The following ZNF25 variants were observed in gnomAD, a reference collection of about 807,000 sequenced individuals.
ZNF25 encodes zinc finger protein 25 (KOX 19).
Under a neutral mutation model 30.9 loss-of-function variants are expected in ZNF25, and 21 were observed. That is an observed-to-expected ratio of 0.68 (90% CI 0.48 to 0.98). ZNF25 has a LOEUF of 0.98. Among genes scored for constraint, ZNF25 ranks in the 50% least tolerant of loss-of-function variants. The probability of loss-of-function intolerance (pLI) is 0.00; values close to 1 mark genes in which losing one functional copy is unlikely to be tolerated. For synonymous variants in ZNF25, 169 were observed against 181.3 expected, an observed-to-expected ratio of 0.93 and a Z score of 0.55; for missense variants, 501 against 529.9, an observed-to-expected ratio of 0.95 and a Z score of 0.54.
chr10:37,961,274 T>C (rs2062854335), intron 2 of ZNF25, among the ~76,000 whole-genome samples: 1 of 152,206 alleles, frequency 6.6e-6, no homozygotes, highest in South Asian at 2.1e-4. Flanking sequence ...TGTATTTTTT[T>C]AAAGCAACAC....
At chr10:37,963,894 C>A (rs942943992) in intron 2 of ZNF25, among the ~76,000 whole-genome samples, 1 of 152,120 alleles carries the variant, frequency 6.6e-6, no homozygotes, top group Non-Finnish European at 1.5e-5. Flanking sequence ...AGAATCGCTT[C>A]AACCTGGGAG....
intron 4 of ZNF25, among the ~76,000 whole-genome samples, chr10:37,956,321 T>C (rs1197179674): frequency 1.3e-5 from 2 of 152,226 alleles, no homozygotes; most frequent in African/African-American, 2.4e-5. Flanking sequence ...GGTATTTTAT[T>C]GTTAATAAAA....
rs1041877107 is a variant in ZNF25 at position 37,952,069 on chromosome 10, G to A, written c.*58C>T. 164 of 1,476,346 alleles carry A rather than the reference G, an allele frequency of 1.1e-4. No individual in the cohort carries two copies. The highest frequency in any genetic ancestry group is 2.7e-4 in the South Asian group (20 of 72,914). The allele number at this position is 1,476,346 out of a possible 1,614,324, so 91.5% of individuals were successfully genotyped here. ...GCGATTCATAAGGTGTACCTCTTGTGTGAATTATCTGATTGTTTTGAAGGA... is the reference window on the plus strand; with the variant it reads ...GCGATTCATAAGGTGTACCTCTTGTATGAATTATCTGATTGTTTTGAAGGA... On this transcript the variant is annotated 3_prime_UTR_variant, in exon 6 of 6. Coordinates refer to ENST00000302609, the MANE Select transcript of ZNF25 (RefSeq NM_145011.4).
At chr10:37,961,782 G>C (rs185277377) in intron 2 of ZNF25, among the ~76,000 whole-genome samples, 1 of 151,926 alleles carries the variant, frequency 6.6e-6, no homozygotes, top group Non-Finnish European at 1.5e-5. Flanking sequence ...TTAGCCAGGC[G>C]TGGTGGCTCA....
chr10:37,953,155 C>CTGTGGTATGAGT lies in ZNF25; in HGVS notation c.331_342dup (p.Thr111_Thr114dup), dbSNP rs767448474. 1 of 1,600,544 alleles carries CTGTGGTATGAGT rather than the reference C, an allele frequency of 6.2e-7. No homozygotes were observed. Among genetic ancestry groups the CTGTGGTATGAGT allele is most frequent in the South Asian group, 1.1e-5 (1 of 88,446 alleles). On this transcript the variant is annotated inframe_insertion, in exon 6 of 6. Coordinates refer to ENST00000302609, the MANE Select transcript of ZNF25 (RefSeq NM_145011.4). ...CATTCCTTACATTCACAGGCTTTCT[C>CTGTGGTATGAGT]TGTGGTATGAGTTTTCTGATGTTTT... is the stretch of plus-strand genomic sequence containing the variant.
intron 2 of ZNF25, among the ~76,000 whole-genome samples, chr10:37,967,421 C>CT (rs34878046): frequency 0.12 from 16,833 of 144,914 alleles, 1,071 homozygotes; most frequent in Middle Eastern, 0.18. Context: ...TGATTTTCTT[C>CT]TTTTTTTTTT....
rs2062077030 is a variant in ZNF25 at position 37,950,299 on chromosome 10, C to A, written c.*1828G>T. 6.6e-6 allele frequency: 1 copy of A among 152,464 alleles called. No homozygotes were observed. Among genetic ancestry groups the A allele is most frequent in the Admixed American group, 6.5e-5 (1 of 15,272 alleles). 9.4% of individuals were successfully genotyped at this position (152,464 alleles called of 1,614,324 possible). ...GTTTTCAAAACTTTATTTATGGACA[C>A]TGAAATTTGAATATCATATAATTTT... On this transcript the variant is annotated 3_prime_UTR_variant, in exon 6 of 6. Transcript: ENST00000302609.
intron 2 of ZNF25, among the ~76,000 whole-genome samples, chr10:37,969,661 A>T (rs1020571223): frequency 2.0e-5 from 3 of 152,178 alleles, no homozygotes; most frequent in African/African-American, 7.2e-5. Context: ...TTCTTTTGGG[A>T]TGGTGAAAAT....
intron 4 of ZNF25, among the ~76,000 whole-genome samples, chr10:37,955,599 A>C (rs2062465805): frequency 6.6e-6 from 1 of 152,208 alleles, no homozygotes; most frequent in Admixed American, 6.5e-5. Context: ...GGCTTTAAGA[A>C]TGGATGAGCT....
chr10:37,965,933 G>A (rs745347146), intron 2 of ZNF25, among the ~76,000 whole-genome samples: 5 of 152,146 alleles, frequency 3.3e-5, no homozygotes, highest in Non-Finnish European at 5.9e-5. Flanking sequence ...CACTACTGAA[G>A]CTAAGTTGGT....
chr10:37,968,861 C>T (rs2063332976), intron 2 of ZNF25, among the ~76,000 whole-genome samples: 1 of 152,106 alleles, frequency 6.6e-6, no homozygotes, highest in African/African-American at 2.4e-5. Context: ...CAATTTTTTG[C>T]ACACGTGGGT....
intron 1 of ZNF25, among the ~76,000 whole-genome samples, chr10:37,972,640 T>C (rs1385015016): frequency 6.6e-6 from 1 of 152,112 alleles, no homozygotes; most frequent in Non-Finnish European, 1.5e-5. Context: ...ATCATAATTC[T>C]CAAACAAGCA....
At chr10:37,962,587 G>A (rs1210199953) in intron 2 of ZNF25, among the ~76,000 whole-genome samples, 3 of 152,106 alleles carry the variant, frequency 2.0e-5, no homozygotes, top group South Asian at 4.1e-4. Context: ...AATAATAGGT[G>A]AGCACTTTGT....
At chr10:37,954,363 G>A (rs2062380084) in intron 4 of ZNF25, among the ~76,000 whole-genome samples, 1 of 152,128 alleles carries the variant, frequency 6.6e-6, no homozygotes, top group Admixed American at 6.6e-5. Context: ...CTCATGCTTA[G>A]AGGAAGAGTC....
intron 2 of ZNF25, among the ~76,000 whole-genome samples, chr10:37,966,774 A>G (rs141024382): frequency 6.6e-6 from 1 of 152,332 alleles, no homozygotes; most frequent in African/African-American, 2.4e-5. Flanking sequence ...GAGCCAAACC[A>G]TATCACGGAG....
chr10:37,956,170 C>A (rs1318048818), intron 4 of ZNF25, among the ~76,000 whole-genome samples: 1 of 152,056 alleles, frequency 6.6e-6, no homozygotes, highest in Admixed American at 6.6e-5. Flanking sequence ...ATAAGCAGTG[C>A]TTTGTGGGAA....
rs773832296 is a variant in ZNF25, at chr10:37,952,346, G to A, written c.1152C>T (p.Val384=). 2 of 1,612,894 alleles carry A rather than the reference G, an allele frequency of 1.2e-6. No individual in the cohort carries two copies. The highest frequency in any genetic ancestry group is 1.7e-6 in the Non-Finnish European group (2 of 1,179,628). Residue 384 remains valine, a synonymous_variant, in exon 6 of 6, where the codon GTC becomes GTT. Transcript: ENST00000302609. ...ECGKSFAVNS[V]LRLHQRTHTG... ...TGTGAGTCCTTTGATGTAATCTGAG[G>A]ACTGAATTCACAGCAAAAGATTTGC...
intron 1 of ZNF25, among the ~76,000 whole-genome samples, chr10:37,973,710 G>C (rs1051648593): frequency 2.0e-5 from 3 of 151,384 alleles, no homozygotes; most frequent in African/African-American, 7.3e-5. Context: ...AGTACTAAAA[G>C]CAGTCTACAG....
intron 2 of ZNF25, among the ~76,000 whole-genome samples, chr10:37,967,217 A>ACCC (rs2063232618): frequency 6.6e-6 from 1 of 152,132 alleles, no homozygotes; most frequent in African/African-American, 2.4e-5. Flanking sequence ...ATTCATACGG[A>ACCC]ATTGCAAGGG....
Sources: allele counts gnomAD v4.1 joint callset (sites outside exome capture counted in the v4.1 genomes callset), GRCh38; gene constraint gnomAD v4.1.1; transcripts MANE v1.5; gene names NCBI Gene and HGNC (gene_info 2026-07-23, HGNC 2026-07-21).